Variants in SYNPO2 observed in about 807,000 individuals in gnomAD.
The protein encoded by SYNPO2 is synaptopodin 2.
SYNPO2 carries 56 observed loss-of-function variants against 85.0 expected under a neutral mutation model. The observed-to-expected ratio is 0.66, with a 90% CI of 0.53 to 0.82. SYNPO2 has a LOEUF of 0.82. SYNPO2 is among the 40% of genes least tolerant of loss of function. SYNPO2 has a pLI of 0.00. For synonymous variants in SYNPO2, 602 were observed against 591.1 expected (o/e 1.02, Z -0.27); for missense variants, 1,575 against 1,534.2 (o/e 1.03, Z -0.44).
At chr4:118,899,031 A>G (rs6534111) in intron 1 of SYNPO2, among the ~76,000 whole-genome samples, 89,352 of 151,930 alleles carry the variant, frequency 0.59, 26,506 homozygotes, top group South Asian at 0.73. Flanking sequence ...GGAGGGGAGC[A>G]CTTGCTCTTC....
At chr4:119,047,844 G>A (rs1423882756) in intron 4 of SYNPO2, among the ~76,000 whole-genome samples, 1 of 152,208 alleles carries the variant, frequency 6.6e-6, no homozygotes, top group Non-Finnish European at 1.5e-5. Context: ...AGATTAGTTA[G>A]TAGAGGCTGC....
rs770572090 is a variant in SYNPO2, at chr4:119,031,428, A to G, written c.2653A>G (p.Lys885Glu). Residue 885 changes from lysine to glutamate, a missense_variant, in exon 4 of 5, where the codon AAG (lysine) becomes GAG (glutamate). By Grantham distance (56) the Lys-to-Glu change is moderately conservative (BLOSUM62 1). Around this residue, in one of 3 missense-constraint regions of SYNPO2, gnomAD observed 1,508 missense variants for 1,446.8 expected, o/e 1.04. Coordinates refer to ENST00000307142, the MANE Select transcript of SYNPO2 (RefSeq NM_133477.3). ...LFAKRQSRME[K>E]YVVDSDTVQA... ...TGCTAAAAGGCAGTCGAGAATGGAG[A>G]AGTATGTGGTCGATTCAGACACGGT... 2.5e-6 allele frequency: 4 copies of G among 1,614,032 alleles called. No individual in the cohort carries two copies. The South Asian group carries it at 4.4e-5, about 18-fold the overall frequency.
intron 1 of SYNPO2, among the ~76,000 whole-genome samples, chr4:118,874,579 A>AT (rs1731867322): frequency 6.6e-6 from 1 of 152,168 alleles, no homozygotes; most frequent in South Asian, 2.1e-4. Context: ...TTATAGCTGG[A>AT]TAAGTTTTGC....
At chr4:118,878,866 G>A (rs904081134) in intron 1 of SYNPO2, among the ~76,000 whole-genome samples, 1 of 152,202 alleles carries the variant, frequency 6.6e-6, no homozygotes, top group African/African-American at 2.4e-5. Context: ...ACCCACTCAG[G>A]TCCTTTTCTG....
At chr4:118,892,912 T>C (rs11735357) in intron 1 of SYNPO2, among the ~76,000 whole-genome samples, 25,047 of 152,038 alleles carry the variant, frequency 0.16, 2,223 homozygotes, top group African/African-American at 0.2. Context: ...TGAATAAAAA[T>C]GTATTATTTA....
intron 4 of SYNPO2, among the ~76,000 whole-genome samples, chr4:119,048,520 A>G (rs1011621783): frequency 6.6e-6 from 1 of 152,202 alleles, no homozygotes; most frequent in Non-Finnish European, 1.5e-5. Flanking sequence ...ATTATGTTAG[A>G]TGAGTGTAAG....
At chr4:118,927,726 A>AGAT (rs1299271453) in intron 1 of SYNPO2, among the ~76,000 whole-genome samples, 4 of 151,330 alleles carry the variant, frequency 2.6e-5, no homozygotes, top group Admixed American at 6.6e-5. Flanking sequence ...ATAGATAGAT[A>AGAT]GATAGATAGA....
rs555286478 is a variant in SYNPO2 at position 118,915,737 on chromosome 4, C to A, written c.105+26596C>A. On this transcript the variant is annotated intron_variant, in intron 1 of 4. Coordinates refer to ENST00000307142, the MANE Select transcript of SYNPO2 (RefSeq NM_133477.3). ...GGTCATAGGTTTGTAAATGATCATG[C>A]TTAGGAGAAAATGCCAAACTCTTGT... Among the ~76,000 whole-genome samples, 9 of 152,272 alleles carry A rather than the reference C, an allele frequency of 5.9e-5. No homozygotes were observed. In the South Asian group the frequency reaches 1.9e-3, roughly 32 times the overall value.
chr4:119,026,991 C>T lies in SYNPO2; in HGVS notation c.622C>T (p.His208Tyr), dbSNP rs1286566845. 6.2e-7 allele frequency: 1 copy of T among 1,614,040 alleles called. No individual in the cohort carries two copies. Among genetic ancestry groups the T allele is most frequent in the East Asian group, 2.2e-5 (1 of 44,892 alleles). Reference protein sequence around the residue: ...ELQLSLSQERHKGASGPLVAL... With the variant: ...ELQLSLSQERYKGASGPLVAL... ...GCAACTGTCCCTTTCACAGGAGAGA[C>T]ATAAGGGCGCTAGTGGCCCTTTAGT... is the stretch of plus-strand genomic sequence containing the variant. The change falls in exon 3 of 5, where the codon CAT becomes TAT. Residue 208 changes from histidine (H) to tyrosine (Y), a missense_variant. Around this residue, in one of 3 missense-constraint regions of SYNPO2, gnomAD observed 1,508 missense variants for 1,446.8 expected, o/e 1.04. Coordinates refer to ENST00000307142, the MANE Select transcript of SYNPO2 (RefSeq NM_133477.3).
chr4:118,952,703 T>C (rs1734741509), intron 1 of SYNPO2, among the ~76,000 whole-genome samples: 3 of 152,212 alleles, frequency 2.0e-5, no homozygotes, highest in African/African-American at 7.2e-5. Context: ...CATTGGATAG[T>C]AGGTACTTCA....
chr4:118,880,374 T>G (rs1030745383), intron 1 of SYNPO2, among the ~76,000 whole-genome samples: 10 of 152,322 alleles, frequency 6.6e-5, no homozygotes, highest in Non-Finnish European at 1.3e-4. Context: ...CTCCAGATTT[T>G]AACACTGATT....
chr4:118,889,114 G>T lies in SYNPO2; in HGVS notation c.78G>T (p.Glu26Asp). ...PWGFRLQGGK[E>D]QKQPLQVAKI... ...GGTTCAGATTGCAAGGTGGCAAGGA[G>T]CAGAAGCAGCCCTTACAAGTTGCAA... Residue 26 changes from glutamate (E) to aspartate (D), a missense_variant, in exon 1 of 5, where the codon GAG becomes GAT. Glu to Asp is a conservative substitution (Grantham distance 45). Around this residue, in one of 3 missense-constraint regions of SYNPO2, gnomAD observed 55 missense variants for 55.5 expected, o/e 0.99. Coordinates refer to ENST00000307142, the MANE Select transcript of SYNPO2 (RefSeq NM_133477.3). 3 of 1,614,180 alleles carry T rather than the reference G, an allele frequency of 1.9e-6. No individual in the cohort carries two copies. Among genetic ancestry groups the T allele is most frequent in the Non-Finnish European group, 2.5e-6 (3 of 1,180,018 alleles).
In SYNPO2 at chr4:118,949,776, G is replaced by A. The variant is rs1008070253; in HGVS notation, c.105+60635G>A. On this transcript the variant is annotated intron_variant, in intron 1 of 4. Transcript: ENST00000307142. ...AAAATAAAATAAAATAAAATAAAAT[G>A]AAATATTCTATTACATGTCAATCAC... is the stretch of plus-strand genomic sequence containing the variant. Among the ~76,000 whole-genome samples, 253 of 142,152 alleles carry A rather than the reference G, an allele frequency of 1.8e-3. 1 individual carries two copies. The highest frequency in any genetic ancestry group is 4.8e-3 in the African/African-American group (192 of 40,250). 93.3% of individuals were successfully genotyped at this position (142,152 alleles called of 152,430 possible). A position where few individuals can be genotyped will look rare whatever the true frequency, so the allele number is the denominator to read the frequency against.
At chr4:119,008,477 T>C (rs768680153) in intron 1 of SYNPO2, among the ~76,000 whole-genome samples, 1 of 151,322 alleles carries the variant, frequency 6.6e-6, no homozygotes, top group Non-Finnish European at 1.5e-5. Context: ...TTGAATGAAA[T>C]GTCTTAGCAA....
intron 1 of SYNPO2, among the ~76,000 whole-genome samples, chr4:118,876,512 A>G (rs971087571): frequency 1.3e-5 from 2 of 152,132 alleles, no homozygotes; most frequent in Non-Finnish European, 2.9e-5. Flanking sequence ...CCAAGATGCC[A>G]AGGAGGCATC....
intron 1 of SYNPO2, among the ~76,000 whole-genome samples, chr4:118,868,199 TA>T (rs1731736033): frequency 6.6e-6 from 1 of 152,116 alleles, no homozygotes; most frequent in Non-Finnish European, 1.5e-5. Flanking sequence ...TCCAAAACTG[TA>T]ACACACCTGG....
chr4:118,977,246 C>T (rs540810978), intron 1 of SYNPO2, among the ~76,000 whole-genome samples: 2,041 of 152,302 alleles, frequency 0.013, 26 homozygotes, highest in Non-Finnish European at 0.016. Flanking sequence ...GCCGGTGGGC[C>T]AGCACTGCTG....
At chr4:118,930,978 A>C (rs1395798348) in intron 1 of SYNPO2, among the ~76,000 whole-genome samples, 1 of 151,872 alleles carries the variant, frequency 6.6e-6, no homozygotes, top group Non-Finnish European at 1.5e-5. Flanking sequence ...TCACTTGTGA[A>C]TTCTTTACCC....
chr4:119,012,481 T>C (rs1737358120), intron 1 of SYNPO2, among the ~76,000 whole-genome samples: 1 of 150,534 alleles, frequency 6.6e-6, no homozygotes, highest in Non-Finnish European at 1.5e-5. Flanking sequence ...GCTGCACCTA[T>C]CAACCTGTCA....
Sources: allele counts gnomAD v4.1 joint callset (sites outside exome capture counted in the v4.1 genomes callset), GRCh38; gene constraint gnomAD v4.1.1; regional missense constraint gnomAD v4.1.1; transcripts MANE v1.5; gene names NCBI Gene and HGNC (gene_info 2026-07-23, HGNC 2026-07-21).